GRIK4: variants seen among roughly 807,000 people sequenced by gnomAD.
GRIK4 encodes the protein glutamate ionotropic receptor kainate type subunit 4, also known as glutamate receptor ionotropic, kainate 4.
In GRIK4, 40 loss-of-function variants were observed where a neutral mutation model predicts 104.9. The observed-to-expected ratio is 0.38, with a 90% confidence interval of 0.30 to 0.50. The LOEUF (loss-of-function observed/expected upper bound fraction) is 0.50. GRIK4 is among the 20% of genes least tolerant of loss of function. The pLI is 0.93. For synonymous variants in GRIK4, 485 were observed against 524.9 expected (o/e 0.92, Z 1.04); for missense variants, 1,047 against 1,308.1 (o/e 0.80, Z 3.08).
At chr11:120,691,540 G>A (rs1051346254) in intron 3 of GRIK4, among the ~76,000 whole-genome samples, 3 of 152,134 alleles carry the variant, frequency 2.0e-5, no homozygotes, top group Admixed American at 6.5e-5. Context: ...TTTGGACATG[G>A]GCTGTGAGAT....
chr11:120,624,729 A>T (rs968447354), intron 1 of GRIK4, among the ~76,000 whole-genome samples: 2 of 152,026 alleles, frequency 1.3e-5, no homozygotes, highest in Non-Finnish European at 2.9e-5. Flanking sequence ...ATTAGCGTAG[A>T]TCCTCATTTC....
intron 1 of GRIK4, among the ~76,000 whole-genome samples, chr11:120,523,293 C>T (rs753577354): frequency 2.0e-5 from 3 of 151,784 alleles, no homozygotes; most frequent in Non-Finnish European, 4.4e-5. Flanking sequence ...TGCAAATTGG[C>T]AGTAAACAAA....
At chr11:120,931,915 C>T (rs1943489659) in intron 13 of GRIK4, among the ~76,000 whole-genome samples, 1 of 152,138 alleles carries the variant, frequency 6.6e-6, no homozygotes, top group Admixed American at 6.5e-5. Context: ...TCTAGCCACT[C>T]TGGCCTTCCC....
chr11:120,874,131 G>C lies in GRIK4; in HGVS notation c.972G>C (p.Arg324=), dbSNP rs746890566. Residue 324 remains arginine (R), a synonymous_variant, in exon 10 of 21, where the codon CGG becomes CGC. Coordinates refer to ENST00000527524, the MANE Select transcript of GRIK4 (RefSeq NM_014619.5). ...TGACTGCGGTGCAGGAACTGAACCG[G>C]AGCCAAGAGATCGGCGTGAAGCCCT... ...AVVTAVQELN[R]SQEIGVKPLS... 1.2e-6 allele frequency: 2 copies of C among 1,613,870 alleles called. No homozygotes were observed. The highest frequency in any genetic ancestry group is 1.7e-6 in the Non-Finnish European group (2 of 1,179,946).
chr11:120,714,210 A>G (rs1030322345), intron 3 of GRIK4, among the ~76,000 whole-genome samples: 1 of 152,196 alleles, frequency 6.6e-6, no homozygotes, highest in African/African-American at 2.4e-5. Context: ...TGACTTTAAT[A>G]ATGTCGGGAA....
chr11:120,769,504 T>C lies in GRIK4; in HGVS notation c.83-33189T>C, dbSNP rs1951899986. ...TATTAATATTTTAATTTTATATAAT[T>C]GTATGTGTCATGAAATATTCTTTTG... is the stretch of plus-strand genomic sequence containing the variant. On this transcript the variant is annotated intron_variant, in intron 3 of 20. Transcript: ENST00000527524. Among the ~76,000 whole-genome samples, 3 of 152,234 alleles carry C rather than the reference T, an allele frequency of 2.0e-5. No homozygotes were observed. The South Asian group carries it at 6.2e-4, about 32-fold the overall frequency.
At chr11:120,529,492 T>C (rs1947900803) in intron 1 of GRIK4, among the ~76,000 whole-genome samples, 3 of 152,184 alleles carry the variant, frequency 2.0e-5, no homozygotes, top group Admixed American at 2.0e-4. Flanking sequence ...TGACCACATC[T>C]GTTTTGCACA....
intron 8 of GRIK4, among the ~76,000 whole-genome samples, chr11:120,844,524 A>G (rs1488358095): frequency 6.6e-6 from 1 of 152,188 alleles, no homozygotes; most frequent in Non-Finnish European, 1.5e-5. Flanking sequence ...ATTCCATAAC[A>G]TCTGGAGTTC....
rs1437129809 is a variant in GRIK4 at position 120,986,312 on chromosome 11, C to T, written c.*52C>T. The T allele has an allele frequency of 1.4e-5, 9 of 651,328 alleles. No homozygotes were observed. The South Asian group carries it at 1.6e-4, about 11-fold the overall frequency. 40.3% of individuals were successfully genotyped at this position (651,328 alleles called of 1,614,324 possible). On this transcript the variant is annotated 3_prime_UTR_variant, in exon 21 of 21. Coordinates refer to ENST00000527524, the MANE Select transcript of GRIK4 (RefSeq NM_014619.5). ...GCCGGGCGGGGCGGGAGGGGAGGGG[C>T]GGGGCGGGCGCTGCTGTCAGCCGCC...
intron 3 of GRIK4, among the ~76,000 whole-genome samples, chr11:120,675,745 C>A (rs1269859707): frequency 6.6e-6 from 1 of 151,248 alleles, no homozygotes; most frequent in East Asian, 1.9e-4. Context: ...GATAATAATA[C>A]TCACCTTATA....
intron 3 of GRIK4, among the ~76,000 whole-genome samples, chr11:120,730,975 G>A (rs1299942992): frequency 6.6e-6 from 1 of 152,192 alleles, no homozygotes; most frequent in Non-Finnish European, 1.5e-5. Context: ...GAGTCTTCAG[G>A]TTTTTCCAAA....
chr11:120,621,632 C>T (rs1459302468), intron 1 of GRIK4, among the ~76,000 whole-genome samples: 1 of 152,148 alleles, frequency 6.6e-6, no homozygotes, highest in African/African-American at 2.4e-5. Context: ...TCACCTTAGA[C>T]TGGGAGTTCC....
intron 3 of GRIK4, among the ~76,000 whole-genome samples, chr11:120,666,752 G>T (rs555561567): frequency 8.4e-4 from 128 of 152,320 alleles, no homozygotes; most frequent in Non-Finnish European, 1.4e-3. Context: ...TATTCAGTTG[G>T]ATCGAGCAGC....
chr11:120,889,588 C>CTTTTTTTTTTTTTTTTTTTTTTTTT (rs776440015), intron 11 of GRIK4, among the ~76,000 whole-genome samples: 1 of 67,154 alleles, frequency 1.5e-5, no homozygotes, highest in Non-Finnish European at 2.8e-5. Flanking sequence ...AAAGAGCTTA[C>CTTTTTTTTTTTTTTTTTTTTTTTTT]ATTTTTTTTT....
intron 16 of GRIK4, among the ~76,000 whole-genome samples, chr11:120,959,106 T>C (rs1172656347): frequency 6.6e-6 from 1 of 152,192 alleles, no homozygotes; most frequent in Non-Finnish European, 1.5e-5. Context: ...CTTTACAGAT[T>C]GCTGATCACT....
At chr11:120,619,833 A>C (rs1301256039) in intron 1 of GRIK4, 1 of 180,406 alleles carries the variant, frequency 5.5e-6, no homozygotes, top group Non-Finnish European at 1.2e-5. Flanking sequence ...CTGTAAGCTA[A>C]TTAAATCTCT....
At chr11:120,835,398 G>A (rs1215902451) in intron 7 of GRIK4, among the ~76,000 whole-genome samples, 1 of 152,136 alleles carries the variant, frequency 6.6e-6, no homozygotes, top group African/African-American at 2.4e-5. Context: ...TGTGGTCGTG[G>A]GTGCCTGTAA....
At chr11:120,697,797 T>G (rs1478735887) in intron 3 of GRIK4, among the ~76,000 whole-genome samples, 1 of 152,018 alleles carries the variant, frequency 6.6e-6, no homozygotes, top group Non-Finnish European at 1.5e-5. Context: ...TGTGGAGAGT[T>G]GGGGCTGTCA....
At position 120,962,479 on chromosome 11, in the gene GRIK4, A is replaced by G. The variant is rs1565465396; in HGVS notation, c.2064A>G (p.Gln688=). 2 of 1,613,340 alleles carry G rather than the reference A, an allele frequency of 1.2e-6. No individual in the cohort carries two copies. Among genetic ancestry groups the G allele is most frequent in the Non-Finnish European group, 1.7e-6 (2 of 1,179,442 alleles). Residue 688 remains glutamine (Q), a synonymous_variant, in exon 18 of 21, where the codon CAA becomes CAG. Transcript: ENST00000527524. ...FFQNSRYQTY[Q]RMWNYMYSKQ... ...AGAATTCCCGCTACCAGACCTACCA[A>G]CGCATGTGGAATTACATGTATTCCA...
Sources: allele counts gnomAD v4.1 joint callset (sites outside exome capture counted in the v4.1 genomes callset), GRCh38; gene constraint gnomAD v4.1.1; transcripts MANE v1.5; gene names NCBI Gene and HGNC (gene_info 2026-07-23, HGNC 2026-07-21).